Variants in USP36 observed in about 807,000 individuals in gnomAD.
USP36 encodes ubiquitin specific peptidase 36.
In USP36, 59 loss-of-function variants were observed where a neutral mutation model predicts 111.5. The ratio of observed to expected loss-of-function variants is 0.53; its 90% CI spans 0.43 to 0.66. The LOEUF (loss-of-function observed/expected upper bound fraction) is 0.66. Among genes scored for constraint, USP36 ranks in the 30% least tolerant of loss-of-function variants. The pLI, the probability that USP36 is intolerant of heterozygous loss-of-function variation, is 0.00. For missense variants in USP36, 1,488 were observed against 1,468.0 expected (o/e 1.01, Z -0.22); for synonymous variants, 628 against 581.0 (o/e 1.08, Z -1.16).
At chr17:78,794,548 C>T (rs952254894), downstream of USP36, among the ~76,000 whole-genome samples, 3 of 152,184 alleles carry the variant, frequency 2.0e-5, no homozygotes, top group Admixed American at 6.5e-5. Context: ...GGACTCTGCC[C>T]GCCGCCTGCG....
intron 6 of USP36, among the ~76,000 whole-genome samples, chr17:78,823,398 C>T (rs959384537): frequency 6.6e-6 from 1 of 152,142 alleles, no homozygotes; most frequent in African/African-American, 2.4e-5. Context: ...CCCGCAGGGC[C>T]ACAAGGAATC....
In USP36 at chr17:78,835,431, C is replaced by G. The variant is rs766191532; in HGVS notation, c.324G>C (p.Glu108Asp). ...CCCGCTCCCACCTCAGAGACAGTCG[C>G]TCCGTGGGGAAAAGCACTTTCTGCG... is the stretch of plus-strand genomic sequence containing the variant. ...PAPQKVLFPT[E>D]RLSLRWERVF... Residue 108 changes from glutamate to aspartate, a missense_variant, in exon 4 of 21, where the codon GAG becomes GAC. Physicochemically the swap from Glu to Asp is conservative, Grantham distance 45. Around this residue, in one of 3 missense-constraint regions of USP36, gnomAD observed 219 missense variants for 209.5 expected, o/e 1.05. Coordinates refer to ENST00000449938, the MANE Select transcript of USP36 (RefSeq NM_001385174.1). The G allele has an allele frequency of 6.2e-7, 1 of 1,614,228 alleles. No homozygotes were observed. The highest frequency in any genetic ancestry group is 8.5e-7 in the Non-Finnish European group (1 of 1,180,036).
At chr17:78,840,329 C>T (rs2069152508) in intron 1 of USP36, 1 of 151,894 alleles carries the variant, frequency 6.6e-6, no homozygotes, top group African/African-American at 2.5e-5. Context: ...AGGTGCCCGC[C>T]CCGGGGCCGC....
intron 14 of USP36, among the ~76,000 whole-genome samples, chr17:78,806,543 G>A (rs977392744): frequency 2.0e-5 from 3 of 152,206 alleles, no homozygotes; most frequent in Non-Finnish European, 1.5e-5. Context: ...TCACATCCAC[G>A]TGCCGTGGCT....
chr17:78,828,711 A>G (rs2067804407), intron 5 of USP36, among the ~76,000 whole-genome samples, 186 bp downstream of exon 5: 1 of 152,198 alleles, frequency 6.6e-6, no homozygotes, highest in Admixed American at 6.5e-5. Flanking sequence ...GCAGGCCTTC[A>G]GTAACAGATG....
At chr17:78,789,419 T>C (rs1567896159) in intron 3 of USP36, among the ~76,000 whole-genome samples, 1 of 151,454 alleles carries the variant, frequency 6.6e-6, no homozygotes, top group African/African-American at 2.4e-5. Flanking sequence ...CTTCAAAAAG[T>C]GAATAAATAG....
chr17:78,824,372 C>G (rs1331461181), intron 6 of USP36, among the ~76,000 whole-genome samples: 1 of 152,178 alleles, frequency 6.6e-6, no homozygotes, highest in Non-Finnish European at 1.5e-5. Context: ...GCGAGGAAAA[C>G]AGGACCAGGT....
intron 12 of USP36, 68 bp downstream of exon 12, chr17:78,813,705 G>A (rs1025037075): frequency 1.4e-6 from 2 of 1,435,568 alleles, no homozygotes; most frequent in Non-Finnish European, 1.9e-6. Context: ...AAAAGGTTAG[G>A]GAGGCCCACC....
chr17:78,799,899 TTTTTTTA>T, intron 17 of USP36, 131 bp from the exon 18 acceptor site: 7 of 631,628 alleles, frequency 1.1e-5, no homozygotes, highest in East Asian at 3.4e-5. Context: ...TTTTTTTTTT[TTTTTTTA>T]AAGACAGGGT....
intron 11 of USP36, 61 bp from the exon 12 acceptor site, chr17:78,813,934 C>G: frequency 1.4e-6 from 2 of 1,457,190 alleles, no homozygotes; most frequent in Non-Finnish European, 1.9e-6. Flanking sequence ...ATTATCCTCA[C>G]TTTTTAAAAA....
chr17:78,793,008 G>A (rs111709949), downstream of USP36, among the ~76,000 whole-genome samples: 3,411 of 151,898 alleles, frequency 0.022, 121 homozygotes, highest in African/African-American at 0.076. Context: ...GAGCCACCGC[G>A]CCCGCCCCCC....
intron 6 of USP36, chr17:78,823,085 C>A (rs2094369799): frequency 5.0e-6 from 2 of 399,020 alleles, no homozygotes; most frequent in East Asian, 7.1e-5. Context: ...ACACCTCAGT[C>A]TCTCATCTGG....
intron 13 of USP36, among the ~76,000 whole-genome samples, chr17:78,809,833 T>C (rs115029701): frequency 6.6e-6 from 1 of 151,992 alleles, no homozygotes; most frequent in African/African-American, 2.4e-5. Context: ...GATGGGGGTC[T>C]TTCTATGTTG....
intron 10 of USP36, among the ~76,000 whole-genome samples, chr17:78,817,035 T>C (rs1033561202): frequency 8.5e-5 from 13 of 152,220 alleles, no homozygotes; most frequent in Non-Finnish European, 1.5e-4. Context: ...AGACCACATA[T>C]ACAACAGCGA....
In USP36 at chr17:78,835,428, T is replaced by C; in HGVS notation, c.327A>G (p.Arg109=). The C allele has an allele frequency of 6.2e-7, 1 of 1,614,192 alleles. No individual in the cohort carries two copies. Among genetic ancestry groups the C allele is most frequent in the East Asian group, 2.2e-5 (1 of 44,878 alleles). The change falls in exon 4 of 21, where the codon CGA becomes CGG. Residue 109 remains arginine (R), a synonymous_variant. Coordinates refer to ENST00000449938, the MANE Select transcript of USP36 (RefSeq NM_001385174.1). The part of the protein sequence containing the change: ...APQKVLFPTE[R]LSLRWERVFR... ...AGACCCGCTCCCACCTCAGAGACAG[T>C]CGCTCCGTGGGGAAAAGCACTTTCT... is the stretch of plus-strand genomic sequence containing the variant.
At chr17:78,836,437 A>C in intron 2 of USP36, 65 bp from the exon 3 acceptor site, 1 of 1,565,424 alleles carries the variant, frequency 6.4e-7, no homozygotes, top group Non-Finnish European at 8.6e-7. Context: ...ACATCTCTTA[A>C]GATCTCCTCT....
chr17:78,803,494 C>G lies in USP36; in HGVS notation c.2701G>C (p.Val901Leu), dbSNP rs1265212296. ...TGGTGGCCGTCCGTAACACATCCCA[C>G]CTGCTGGCCATTCACCTGTGGCTGT... ...GTQPQVNGQQVGCVTDGHHAS... is the reference protein window; with the variant it reads ...GTQPQVNGQQLGCVTDGHHAS... Residue 901 changes from valine to leucine, a missense_variant, in exon 16 of 21, where the codon GTG becomes CTG. By Grantham distance (32) the Val-to-Leu change is conservative. Around this residue, in one of 3 missense-constraint regions of USP36, gnomAD observed 1,073 missense variants for 994.1 expected, o/e 1.08. Coordinates refer to ENST00000449938, the MANE Select transcript of USP36 (RefSeq NM_001385174.1). This position sits in a 1 kb window ranked among gnomAD's most constrained non-coding sequence, Gnocchi z 4.6. 6.2e-6 allele frequency: 10 copies of G among 1,614,084 alleles called. No individual in the cohort carries two copies. The highest frequency in any genetic ancestry group is 8.5e-6 in the Non-Finnish European group (10 of 1,180,036).
intron 6 of USP36, chr17:78,823,246 T>G: frequency 2.5e-6 from 1 of 398,638 alleles, no homozygotes; most frequent in Non-Finnish European, 4.4e-6. Context: ...TCTTCAAAAG[T>G]GACCTTTTAA....
At chr17:78,791,200 T>A (rs1450914090), downstream of USP36, among the ~76,000 whole-genome samples, 10 of 149,722 alleles carry the variant, frequency 6.7e-5, no homozygotes, top group Admixed American at 1.3e-4. Flanking sequence ...AATGGTGCGA[T>A]CTCGGCTCAC....
Sources: allele counts gnomAD v4.1 joint callset (sites outside exome capture counted in the v4.1 genomes callset), GRCh38; gene constraint gnomAD v4.1.1; regional missense constraint gnomAD v4.1.1; non-coding constraint Gnocchi (gnomAD v3.1); transcripts MANE v1.5; gene names NCBI Gene and HGNC (gene_info 2026-07-23, HGNC 2026-07-21).